ACTR10: variants seen among roughly 807,000 people sequenced by gnomAD.
ACTR10 encodes the protein actin-related protein 10.
A neutral mutation model predicts 56.2 loss-of-function variants in ACTR10; 43 were observed. That is an observed-to-expected ratio of 0.77 (90% CI 0.60 to 0.99). ACTR10 has a LOEUF of 0.99. ACTR10 is among the 50% of genes least tolerant of loss of function. The pLI, the probability that ACTR10 is intolerant of heterozygous loss-of-function variation, is 0.00. For missense variants in ACTR10, 466 were observed against 507.8 expected (o/e 0.92, Z 0.79); for synonymous variants, 170 against 176.3 (o/e 0.96, Z 0.28).
intron 2 of ACTR10, among the ~76,000 whole-genome samples, chr14:58,203,133 C>G (rs891509028): frequency 6.6e-6 from 1 of 151,850 alleles, no homozygotes; most frequent in Non-Finnish European, 1.5e-5. Context: ...GAAACCCTGT[C>G]TCAACTAAAA....
At chr14:58,223,066 A>G (rs1030391600) in intron 8 of ACTR10, among the ~76,000 whole-genome samples, 3 of 152,182 alleles carry the variant, frequency 2.0e-5, no homozygotes, top group Non-Finnish European at 4.4e-5. Flanking sequence ...TTTATACAAG[A>G]TGAATGTACA....
intron 4 of ACTR10, among the ~76,000 whole-genome samples, chr14:58,210,138 C>A (rs1401845878): frequency 6.6e-6 from 1 of 151,810 alleles, no homozygotes; most frequent in Non-Finnish European, 1.5e-5. Flanking sequence ...TTCTATATGA[C>A]TAGAATACCT....
intron 11 of ACTR10, among the ~76,000 whole-genome samples, chr14:58,231,328 G>A (rs560978505): frequency 5.1e-4 from 77 of 151,442 alleles, no homozygotes; most frequent in African/African-American, 1.8e-3. Flanking sequence ...CTGTACAGGC[G>A]TGAGCCACCA....
intron 2 of ACTR10, among the ~76,000 whole-genome samples, chr14:58,206,427 C>T (rs1326166671): frequency 1.3e-5 from 2 of 152,236 alleles, no homozygotes; most frequent in South Asian, 2.1e-4. Context: ...AGGTGATCCA[C>T]CCGCCTTGAC....
At chr14:58,208,157 C>A (rs1372862680) in intron 3 of ACTR10, 139 bp downstream of exon 3, 1 of 669,380 alleles carries the variant, frequency 1.5e-6, no homozygotes. Flanking sequence ...TTATTTTCAA[C>A]CTTTTCAAAA....
At chr14:58,207,642 C>T (rs969109910) in intron 2 of ACTR10, among the ~76,000 whole-genome samples, 2 of 152,244 alleles carry the variant, frequency 1.3e-5, no homozygotes, top group African/African-American at 4.8e-5. Flanking sequence ...TGATTTTTAT[C>T]ATTCAAGCCA....
chr14:58,232,055 T>C lies in ACTR10; in HGVS notation c.871-11T>C. 6.3e-7 allele frequency: 1 copy of C among 1,593,764 alleles called. No individual in the cohort carries two copies. The highest frequency in any genetic ancestry group is 8.5e-7 in the Non-Finnish European group (1 of 1,170,244). ...CAGAATAAATCCTTCTTTTTTTCTTTTTAATAACAGTGTCCGATAGACACC... is the reference window on the plus strand; with the variant it reads ...CAGAATAAATCCTTCTTTTTTTCTTCTTAATAACAGTGTCCGATAGACACC... On this transcript the variant is annotated splice_polypyrimidine_tract_variant and intron_variant, in intron 11 of 12. Coordinates refer to ENST00000254286, the MANE Select transcript of ACTR10 (RefSeq NM_018477.3).
intron 6 of ACTR10, among the ~76,000 whole-genome samples, chr14:58,214,414 T>TA (rs751969260): frequency 6.6e-6 from 1 of 151,978 alleles, no homozygotes. Context: ...TTTTTTTTTT[T>TA]AACTTTTATT....
At chr14:58,221,358 C>T (rs1889264739) in intron 8 of ACTR10, among the ~76,000 whole-genome samples, 1 of 151,526 alleles carries the variant, frequency 6.6e-6, no homozygotes, top group Non-Finnish European at 1.5e-5. Context: ...CTTTGGGAGG[C>T]CAAGGCAGGT....
Position 58,235,519 on chromosome 14 carries a change from A to T in ACTR10, c.*968A>T, listed in dbSNP as rs1452646539. 6.6e-6 allele frequency: 1 copy of T among 152,216 alleles called. No homozygotes were observed. 9.4% of individuals were successfully genotyped at this position (152,216 alleles called of 1,614,324 possible). A position where few individuals can be genotyped will look rare whatever the true frequency, so the allele number is the denominator to read the frequency against. On this transcript the variant is annotated 3_prime_UTR_variant, in exon 13 of 13. Transcript: ENST00000254286. ...ATAAAAATGTATTCACAATGTCATT[A>T]ATCTTTGCGTTTGTGCTTTATATCT...
In ACTR10 at chr14:58,223,657, CTA is replaced by C; in HGVS notation, c.671_672del (p.Leu224GlnfsTer8). 1 of 1,612,178 alleles carries C rather than the reference CTA, an allele frequency of 6.2e-7. No individual in the cohort carries two copies. Among genetic ancestry groups the C allele is most frequent in the Non-Finnish European group, 8.5e-7 (1 of 1,179,634 alleles). On this transcript the variant is annotated frameshift_variant, in exon 9 of 13. Transcript: ENST00000254286. LOFTEE classifies it high-confidence loss of function. ...TCFVSDLKRG[L>X]KIQAAKFNID... is the part of the protein sequence containing the mutation. ...CTTTGTAAGTGATCTGAAGCGAGGA[CTA>C]AAAATCCAAGCAGCAAAATTTAATA... is the stretch of plus-strand genomic sequence containing the variant.
intron 10 of ACTR10, among the ~76,000 whole-genome samples, chr14:58,227,885 C>T (rs567440697): frequency 6.6e-6 from 1 of 152,284 alleles, no homozygotes; most frequent in South Asian, 2.1e-4. Context: ...TTGGTTTGGC[C>T]ACAGTTATAC....
chr14:58,207,341 T>TTTG lies in ACTR10; in HGVS notation c.151-594_151-592dup, dbSNP rs1888892925. ...TGTTTGTTTGTTTGTTTGTTTGTTT[T>TTTG]TTGAGACGGAATCTGGTTCTGTTGC... On this transcript the variant is annotated intron_variant, in intron 2 of 12. Transcript: ENST00000254286. Among the ~76,000 whole-genome samples, 4 of 136,340 alleles carry TTTG rather than the reference T, an allele frequency of 2.9e-5. No individual in the cohort carries two copies. In the Admixed American group the frequency reaches 3.1e-4, roughly 11 times the overall value. 89.4% of individuals were successfully genotyped at this position (136,340 alleles called of 152,430 possible).
chr14:58,203,267 A>G (rs1222093048), intron 2 of ACTR10, among the ~76,000 whole-genome samples: 1 of 141,446 alleles, frequency 7.1e-6, no homozygotes, highest in Non-Finnish European at 1.5e-5. Context: ...AAGCCATCGC[A>G]CTCCAGCCTG....
At position 58,215,185 on chromosome 14, in the gene ACTR10, C is replaced by CTT; in HGVS notation, c.519-10_519-9dup. ...AGTTTCAATATTTTCATTCCAGTAA[C>CTT]TTTTTTTTTTTAATTTCAGAGAGTT... On this transcript the variant is annotated intron_variant, in intron 6 of 12. Transcript: ENST00000254286. 5.3e-5 allele frequency: 60 copies of CTT among 1,141,700 alleles called. No homozygotes were observed. The highest frequency in any genetic ancestry group is 6.4e-5 in the South Asian group (4 of 62,886). 70.7% of individuals were successfully genotyped at this position (1,141,700 alleles called of 1,614,324 possible).
intron 1 of ACTR10, among the ~76,000 whole-genome samples, chr14:58,200,862 CA>C (rs1211160725): frequency 1.3e-5 from 2 of 152,184 alleles, no homozygotes; most frequent in Non-Finnish European, 2.9e-5. Context: ...ATGTTTTAAA[CA>C]AACCAACTTG....
intron 10 of ACTR10, among the ~76,000 whole-genome samples, chr14:58,229,580 AG>A (rs1889481455): frequency 6.6e-6 from 1 of 151,186 alleles, no homozygotes; most frequent in Non-Finnish European, 1.5e-5. Flanking sequence ...CAGGTGGCTG[AG>A]GCAGGAGAAT....
Position 58,208,996 on chromosome 14 carries a change from C to A in ACTR10, c.234-3C>A. The A allele has an allele frequency of 6.3e-7, 1 of 1,594,170 alleles. No homozygotes were observed. The highest frequency in any genetic ancestry group is 1.8e-5 in the Admixed American group (1 of 56,156). ...TTTTAAAACCAAAACTTTCACTTTTCAGGCATCTATTGGTGAATCCCAGAG... is the reference window on the plus strand; with the variant it reads ...TTTTAAAACCAAAACTTTCACTTTTAAGGCATCTATTGGTGAATCCCAGAG... On this transcript the variant is annotated splice_region_variant and splice_polypyrimidine_tract_variant and intron_variant, in intron 3 of 12. Coordinates refer to ENST00000254286, the MANE Select transcript of ACTR10 (RefSeq NM_018477.3).
intron 7 of ACTR10, among the ~76,000 whole-genome samples, chr14:58,219,026 G>T (rs1268224047): frequency 1.3e-5 from 2 of 152,046 alleles, no homozygotes; most frequent in African/African-American, 4.8e-5. Context: ...CTCCATGTTG[G>T]TCAGGCTGGT....
Sources: allele counts gnomAD v4.1 joint callset (sites outside exome capture counted in the v4.1 genomes callset), GRCh38; gene constraint gnomAD v4.1.1; transcripts MANE v1.5; gene names NCBI Gene and HGNC (gene_info 2026-07-23, HGNC 2026-07-21).